DDAH1: variants seen among roughly 807,000 people sequenced by gnomAD.
The protein encoded by DDAH1 is N(G),N(G)-dimethylarginine dimethylaminohydrolase 1.
Under a neutral mutation model 28.8 loss-of-function variants are expected in DDAH1, and 19 were observed. The ratio of observed to expected loss-of-function variants is 0.66; its 90% CI spans 0.46 to 0.97. DDAH1 has a LOEUF of 0.97. DDAH1 is among the 50% of genes least tolerant of loss of function. DDAH1 has a pLI of 0.00. For synonymous variants in DDAH1, 153 were observed against 154.4 expected, an observed-to-expected ratio of 0.99 and a Z score of 0.07; for missense variants, 326 against 375.9, an observed-to-expected ratio of 0.87 and a Z score of 1.10.
chr1:85,435,832 C>T (rs998327927), intron 1 of DDAH1, among the ~76,000 whole-genome samples: 1 of 151,820 alleles, frequency 6.6e-6, no homozygotes, highest in South Asian at 2.1e-4. Context: ...TCTCTGTTGC[C>T]CAGGTTGGAA....
At chr1:85,540,980 A>T (rs1052213833) in intron 1 of DDAH1, among the ~76,000 whole-genome samples, 2 of 151,812 alleles carry the variant, frequency 1.3e-5, no homozygotes, top group African/African-American at 2.4e-5. Context: ...AAAAAAAAAA[A>T]AAATGTATAT....
chr1:85,383,390 G>A (rs1236581079), intron 1 of DDAH1, among the ~76,000 whole-genome samples: 1 of 152,210 alleles, frequency 6.6e-6, no homozygotes, highest in Non-Finnish European at 1.5e-5. Context: ...GCAATCTCAT[G>A]ATAAAACTTG....
intron 1 of DDAH1, among the ~76,000 whole-genome samples, chr1:85,544,314 T>C (rs557078866): frequency 6.6e-6 from 1 of 152,314 alleles, no homozygotes; most frequent in Admixed American, 6.5e-5. Context: ...GTGGCATTGC[T>C]TGACAGACAG....
intron 1 of DDAH1, among the ~76,000 whole-genome samples, chr1:85,458,694 TC>T (rs1416318969): frequency 6.6e-6 from 1 of 152,046 alleles, no homozygotes; most frequent in Non-Finnish European, 1.5e-5. Context: ...ATATCTAATA[TC>T]AGTTTAGGGG....
chr1:85,494,986 T>C (rs1218714931), intron 2 of DDAH1: 1 of 152,242 alleles, frequency 6.6e-6, no homozygotes, highest in African/African-American at 2.4e-5. Context: ...GCCCCTGTTT[T>C]CCCACATTTC....
intron 1 of DDAH1, among the ~76,000 whole-genome samples, chr1:85,547,300 A>G (rs1658656474): frequency 6.6e-6 from 1 of 152,212 alleles, no homozygotes; most frequent in Admixed American, 6.5e-5. Flanking sequence ...AAGGTTTTCT[A>G]CCAGAGGTTG....
intron 1 of DDAH1, among the ~76,000 whole-genome samples, chr1:85,438,655 C>G (rs539714): frequency 3.3e-5 from 5 of 152,074 alleles, no homozygotes; most frequent in Non-Finnish European, 1.5e-5. Flanking sequence ...CCTGCTTAAA[C>G]TGCAAATTCA....
intron 1 of DDAH1, among the ~76,000 whole-genome samples, chr1:85,362,285 G>A (rs1440866647): frequency 5.3e-5 from 8 of 152,142 alleles, no homozygotes; most frequent in Non-Finnish European, 1.0e-4. Context: ...CCCTTGGAAA[G>A]TACTACATAA....
At chr1:85,526,080 G>C (rs1324180115) in intron 1 of DDAH1, among the ~76,000 whole-genome samples, 1 of 152,146 alleles carries the variant, frequency 6.6e-6, no homozygotes, top group African/African-American at 2.4e-5. Flanking sequence ...AGGCTGTCTG[G>C]TTAAATGGAT....
chr1:85,515,406 T>C (rs2100755719), intron 1 of DDAH1, among the ~76,000 whole-genome samples: 1 of 136,388 alleles, frequency 7.3e-6, no homozygotes, highest in East Asian at 2.1e-4. Context: ...TTACCCAAGG[T>C]AAGGAGTAAG....
intron 1 of DDAH1, among the ~76,000 whole-genome samples, chr1:85,410,157 T>C (rs914243744): frequency 6.6e-6 from 1 of 151,896 alleles, no homozygotes; most frequent in East Asian, 1.9e-4. Flanking sequence ...GCCAAACACC[T>C]GTAGTCCCAG....
chr1:85,348,121 G>T (rs144454542), intron 4 of DDAH1, among the ~76,000 whole-genome samples: 6 of 152,268 alleles, frequency 3.9e-5, no homozygotes, highest in African/African-American at 1.4e-4. Context: ...AGTAGAAAAG[G>T]AACATCATTA....
intron 1 of DDAH1, among the ~76,000 whole-genome samples, chr1:85,396,062 T>C (rs1054384799): frequency 3.9e-5 from 6 of 152,196 alleles, no homozygotes; most frequent in Admixed American, 3.3e-4. Flanking sequence ...TCTACAGCTA[T>C]GTAACTTCTT....
intron 2 of DDAH1, among the ~76,000 whole-genome samples, chr1:85,470,562 G>GCTA (rs755473196): frequency 7.2e-5 from 11 of 152,236 alleles, no homozygotes; most frequent in Non-Finnish European, 1.5e-4. Context: ...CAACCTAAGT[G>GCTA]CTAGAAATAT....
At chr1:85,500,146 C>CTT (rs796887168) in intron 1 of DDAH1, among the ~76,000 whole-genome samples, 1 of 98,072 alleles carries the variant, frequency 1.0e-5, no homozygotes, top group Non-Finnish European at 1.9e-5. Flanking sequence ...TTCTTTCTTT[C>CTT]TTTTCTTTCT....
intron 1 of DDAH1, among the ~76,000 whole-genome samples, chr1:85,549,294 G>A (rs561838476): frequency 3.9e-4 from 59 of 152,196 alleles, no homozygotes; most frequent in African/African-American, 1.3e-3. Context: ...ATTCCTTCTA[G>A]ACTAAAGGTT....
chr1:85,365,551 A>T (rs1388647615), intron 1 of DDAH1, among the ~76,000 whole-genome samples: 2 of 152,186 alleles, frequency 1.3e-5, no homozygotes, highest in Non-Finnish European at 2.9e-5. Flanking sequence ...TTGTGTAAAA[A>T]TCTTTAGGTA....
chr1:85,543,076 CT>C (rs1310071304), intron 1 of DDAH1, among the ~76,000 whole-genome samples: 3 of 152,070 alleles, frequency 2.0e-5, no homozygotes, highest in African/African-American at 4.8e-5. Context: ...CTTCTCAGAT[CT>C]TTTTTTATAT....
At chr1:85,422,698 A>T (rs2100617069) in intron 1 of DDAH1, among the ~76,000 whole-genome samples, 1 of 152,234 alleles carries the variant, frequency 6.6e-6, no homozygotes, top group East Asian at 1.9e-4. Context: ...AGTCCCCCTA[A>T]AATGTTGATG....
Sources: allele counts gnomAD v4.1 joint callset (sites outside exome capture counted in the v4.1 genomes callset), GRCh38; gene constraint gnomAD v4.1.1; transcripts MANE v1.5; gene names NCBI Gene and HGNC (gene_info 2026-07-23, HGNC 2026-07-21).